Variants in MRPL42 observed in about 807,000 individuals in gnomAD.
The protein encoded by MRPL42 is mitochondrial ribosomal protein L42.
Under a neutral mutation model 17.9 loss-of-function variants are expected in MRPL42, and 17 were observed. The observed-to-expected ratio is 0.95, with a 90% CI of 0.65 to 1.42. The LOEUF is 1.42. MRPL42 is among the 40% of genes most tolerant of loss of function. The pLI is 0.00. For missense variants in MRPL42, 177 were observed against 175.2 expected, an observed-to-expected ratio of 1.01 and a Z score of -0.06; for synonymous variants, 59 against 54.4, an observed-to-expected ratio of 1.08 and a Z score of -0.37.
Position 93,508,582 on chromosome 12 carries a change from T to C in MRPL42, c.*7361T>C, listed in dbSNP as rs1268325533. ...TTAAAAGGAGAAGCAGCAAATACTATGGCCATTCTCTTCACAATAGTTGTC... is the reference window on the plus strand; with the variant it reads ...TTAAAAGGAGAAGCAGCAAATACTACGGCCATTCTCTTCACAATAGTTGTC... On this transcript the variant is annotated 3_prime_UTR_variant, in exon 6 of 6. Coordinates refer to ENST00000549982, the MANE Select transcript of MRPL42 (RefSeq NM_014050.4). 1.3e-5 allele frequency: 2 copies of C among 152,222 alleles called. No homozygotes were observed. Among genetic ancestry groups the C allele is most frequent in the African/African-American group, 4.8e-5 (2 of 41,444 alleles). 9.4% of individuals were successfully genotyped at this position (152,222 alleles called of 1,614,324 possible).
chr12:93,481,403 C>G (rs1474916422), intron 4 of MRPL42, among the ~76,000 whole-genome samples: 2 of 152,196 alleles, frequency 1.3e-5, no homozygotes, highest in African/African-American at 2.4e-5. Flanking sequence ...TCTTCACTGT[C>G]AAATCTAGAT....
chr12:93,496,040 C>G (rs1846392), intron 5 of MRPL42, among the ~76,000 whole-genome samples: 5 of 151,978 alleles, frequency 3.3e-5, no homozygotes, highest in Non-Finnish European at 7.4e-5. Context: ...GAAAATTACA[C>G]AACAGATGTT....
intron 5 of MRPL42, among the ~76,000 whole-genome samples, chr12:93,491,681 G>A (rs528723334): frequency 1.3e-5 from 2 of 152,256 alleles, no homozygotes; most frequent in African/African-American, 4.8e-5. Flanking sequence ...GGTATATTGT[G>A]TGATGCTGAG....
At chr12:93,489,449 AT>A (rs1212227451) in intron 5 of MRPL42, among the ~76,000 whole-genome samples, 1 of 151,980 alleles carries the variant, frequency 6.6e-6, no homozygotes, top group Non-Finnish European at 1.5e-5. Context: ...AAAAATATTG[AT>A]TTTTTGGGGG....
intron 1 of MRPL42, among the ~76,000 whole-genome samples, chr12:93,468,901 G>A (rs1364352852): frequency 6.6e-6 from 1 of 152,194 alleles, no homozygotes; most frequent in Non-Finnish European, 1.5e-5. Flanking sequence ...ACTGTTTCAA[G>A]AGTAATTACA....
intron 3 of MRPL42, among the ~76,000 whole-genome samples, chr12:93,479,150 T>A (rs11107044): frequency 2.6e-5 from 4 of 151,030 alleles, no homozygotes; most frequent in Non-Finnish European, 5.9e-5. Context: ...CTTGAACTCC[T>A]GACCTCAAGC....
At chr12:93,470,279 GTAAA>G (rs1171151371) in intron 2 of MRPL42, among the ~76,000 whole-genome samples, 2 of 152,126 alleles carry the variant, frequency 1.3e-5, no homozygotes, top group Non-Finnish European at 1.5e-5. Flanking sequence ...ACCCAAATAA[GTAAA>G]TAGAGTATTA....
intron 3 of MRPL42, 21 bp from the exon 4 acceptor site, chr12:93,479,367 C>T: frequency 1.3e-6 from 2 of 1,509,686 alleles, no homozygotes; most frequent in Admixed American, 1.9e-5. Flanking sequence ...AACTTTATTT[C>T]TAAAACATTC....
At chr12:93,496,928 A>C (rs957244268) in intron 5 of MRPL42, among the ~76,000 whole-genome samples, 3 of 152,054 alleles carry the variant, frequency 2.0e-5, no homozygotes, top group Non-Finnish European at 4.4e-5. Context: ...TTCCTCAGAG[A>C]CTATTATTAG....
At chr12:93,490,748 G>A (rs1953397160) in intron 5 of MRPL42, among the ~76,000 whole-genome samples, 1 of 151,950 alleles carries the variant, frequency 6.6e-6, no homozygotes, top group African/African-American at 2.4e-5. Flanking sequence ...ATATATAGAA[G>A]GATGATTTAC....
intron 4 of MRPL42, among the ~76,000 whole-genome samples, chr12:93,483,347 AC>A (rs1311156705): frequency 1.3e-5 from 2 of 152,154 alleles, no homozygotes; most frequent in Non-Finnish European, 1.5e-5. Context: ...TTTCATTGTT[AC>A]GTGAACATCA....
chr12:93,485,678 T>C (rs540053698), intron 4 of MRPL42, among the ~76,000 whole-genome samples: 3 of 152,344 alleles, frequency 2.0e-5, no homozygotes, highest in East Asian at 3.9e-4. Flanking sequence ...TATATTATTA[T>C]TGAATATGTT....
chr12:93,470,903 C>T (rs983480824), intron 2 of MRPL42, among the ~76,000 whole-genome samples: 3 of 152,196 alleles, frequency 2.0e-5, no homozygotes, highest in African/African-American at 4.8e-5. Flanking sequence ...GAATAGTGCT[C>T]TGATAAACAT....
intron 5 of MRPL42, among the ~76,000 whole-genome samples, chr12:93,494,885 C>T (rs760201076): frequency 6.6e-6 from 1 of 152,150 alleles, no homozygotes; most frequent in Non-Finnish European, 1.5e-5. Flanking sequence ...TCAACCGTTA[C>T]TAAGGTCGAA....
chr12:93,482,905 T>C (rs1880530093), intron 4 of MRPL42, among the ~76,000 whole-genome samples: 1 of 152,048 alleles, frequency 6.6e-6, no homozygotes, highest in Admixed American at 6.6e-5. Context: ...TCTTTTTTTT[T>C]TTTTGAGACA....
chr12:93,482,418 T>G (rs574486172), intron 4 of MRPL42, among the ~76,000 whole-genome samples: 1 of 152,284 alleles, frequency 6.6e-6, no homozygotes, highest in African/African-American at 2.4e-5. Flanking sequence ...CAGGGCCTTG[T>G]GTGTTTTTTT....
In MRPL42 at chr12:93,487,819, C is replaced by G. The variant is rs1026026658; in HGVS notation, c.383+159C>G. On this transcript the variant is annotated intron_variant, in intron 5 of 5. Coordinates refer to ENST00000549982, the MANE Select transcript of MRPL42 (RefSeq NM_014050.4). ...TGTACTTTTTTTTTCTTTTCTGAGA[C>G]AGGATCTCGCTCTGTCACCCAGGCT... 1.8e-4 allele frequency: 108 copies of G among 605,804 alleles called. No homozygotes were observed. The Middle Eastern group carries it at 2.4e-3, about 13-fold the overall frequency. 37.5% of individuals were successfully genotyped at this position (605,804 alleles called of 1,614,324 possible).
chr12:93,471,859 T>A (rs1402264494), intron 2 of MRPL42, among the ~76,000 whole-genome samples: 1 of 152,192 alleles, frequency 6.6e-6, no homozygotes, highest in Non-Finnish European at 1.5e-5. Flanking sequence ...AGACCCTTAC[T>A]CTTACTTCTT....
At chr12:93,480,120 G>A (rs1266925020) in intron 4 of MRPL42, among the ~76,000 whole-genome samples, 2 of 151,810 alleles carry the variant, frequency 1.3e-5, no homozygotes, top group East Asian at 3.9e-4. Context: ...ACTAGGTAAT[G>A]TTTGATTTGC....
Sources: allele counts gnomAD v4.1 joint callset (sites outside exome capture counted in the v4.1 genomes callset), GRCh38; gene constraint gnomAD v4.1.1; transcripts MANE v1.5; gene names NCBI Gene and HGNC (gene_info 2026-07-23, HGNC 2026-07-21).